Variants in CNBD1 observed in about 807,000 individuals in gnomAD.
CNBD1 encodes the protein cyclic nucleotide binding domain containing 1.
A neutral mutation model predicts 54.4 loss-of-function variants in CNBD1; 71 were observed. That is an observed-to-expected ratio of 1.30 (90% CI 1.08 to 1.59). The LOEUF (loss-of-function observed/expected upper bound fraction) is 1.59, where lower values mean the gene tolerates loss of function less well. CNBD1 is among the 40% of genes most tolerant of loss of function. CNBD1 has a pLI of 0.00. For missense variants in CNBD1, 659 were observed against 518.0 expected (o/e 1.27, Z -2.64); for synonymous variants, 182 against 170.7 (o/e 1.07, Z -0.51).
At chr8:87,180,243 T>G (rs781291283) in intron 4 of CNBD1, among the ~76,000 whole-genome samples, 2 of 152,240 alleles carry the variant, frequency 1.3e-5, no homozygotes, top group Admixed American at 6.5e-5. Flanking sequence ...ATTCATTATA[T>G]TTTAAGCATG....
At chr8:87,331,039 GT>G (rs1809816251) in intron 8 of CNBD1, among the ~76,000 whole-genome samples, 1 of 151,984 alleles carries the variant, frequency 6.6e-6, no homozygotes, top group Non-Finnish European at 1.5e-5. Flanking sequence ...ATATTTGTTA[GT>G]TTTCTTTTTT....
At position 86,936,535 on chromosome 8, in the gene CNBD1, AC is replaced by A. The variant is rs1458651633; in HGVS notation, c.273-3060del. Among the ~76,000 whole-genome samples the A allele has an allele frequency of 3.9e-5, 6 of 152,106 alleles. No individual in the cohort carries two copies. In the East Asian group the frequency reaches 1.2e-3, roughly 29 times the overall value. On this transcript the variant is annotated intron_variant, in intron 3 of 10. Transcript: ENST00000518476. ...GTGGGTGGATCACGAGGTCAGGAGA[AC>A]AAGACCATCCTGGCTAACACTGTGA...
intron 4 of CNBD1, among the ~76,000 whole-genome samples, chr8:87,019,814 G>A (rs1456002392): frequency 6.6e-6 from 1 of 152,088 alleles, no homozygotes; most frequent in African/African-American, 2.4e-5. Context: ...GGAGGCAGAG[G>A]TTGCAGTGAG....
intron 5 of CNBD1, among the ~76,000 whole-genome samples, chr8:87,216,504 T>G (rs1238818610): frequency 6.6e-6 from 1 of 152,200 alleles, no homozygotes; most frequent in Non-Finnish European, 1.5e-5. Flanking sequence ...AGAAAGAAAT[T>G]TATTTCTTAT....
intron 6 of CNBD1, among the ~76,000 whole-genome samples, chr8:87,275,957 C>A (rs1808471374): frequency 6.6e-6 from 1 of 151,932 alleles, no homozygotes; most frequent in Non-Finnish European, 1.5e-5. Flanking sequence ...CATGAGTGAA[C>A]TCCCATTCAC....
At chr8:87,375,842 T>C (rs1264472923) in intron 10 of CNBD1, among the ~76,000 whole-genome samples, 4 of 151,940 alleles carry the variant, frequency 2.6e-5, no homozygotes, top group Admixed American at 6.6e-5. Context: ...TTTCCTAATA[T>C]GCTTTTGGAA....
intron 8 of CNBD1, among the ~76,000 whole-genome samples, chr8:87,330,534 C>G (rs1334615958): frequency 6.6e-6 from 1 of 152,006 alleles, no homozygotes; most frequent in Non-Finnish European, 1.5e-5. Context: ...GAGATTTTAT[C>G]TTTGACCCAT....
intron 2 of CNBD1, among the ~76,000 whole-genome samples, chr8:87,418,747 C>T (rs991874887): frequency 6.6e-6 from 1 of 151,758 alleles, no homozygotes; most frequent in Admixed American, 6.6e-5. Context: ...AGTCATAAAA[C>T]ATTGTGATAC....
intron 4 of CNBD1, among the ~76,000 whole-genome samples, chr8:87,114,283 G>A (rs1464065576): frequency 6.6e-6 from 1 of 152,168 alleles, no homozygotes; most frequent in Non-Finnish European, 1.5e-5. Flanking sequence ...TTACATTAGA[G>A]TATACAATGA....
intron 4 of CNBD1, among the ~76,000 whole-genome samples, chr8:87,029,173 C>G (rs1015657641): frequency 3.3e-5 from 5 of 152,144 alleles, no homozygotes; most frequent in African/African-American, 9.7e-5. Context: ...GTTTCTACTC[C>G]AATTCCTCAA....
At chr8:87,132,459 T>G (rs1458557165) in intron 4 of CNBD1, among the ~76,000 whole-genome samples, 1 of 151,140 alleles carries the variant, frequency 6.6e-6, no homozygotes, top group African/African-American at 2.4e-5. Context: ...TTATGCCATT[T>G]TGGAAGTTCA....
intron 4 of CNBD1, among the ~76,000 whole-genome samples, chr8:86,989,300 AATAAATACATAC>A (rs1808683324): frequency 1.7e-5 from 1 of 58,988 alleles, no homozygotes; most frequent in African/African-American, 7.0e-5. Flanking sequence ...TCTCAAAACA[AATAAATACATAC>A]ATACATACAT....
At chr8:87,260,590 G>C (rs1369549931) in intron 6 of CNBD1, among the ~76,000 whole-genome samples, 1 of 152,094 alleles carries the variant, frequency 6.6e-6, no homozygotes, top group Non-Finnish European at 1.5e-5. Flanking sequence ...CACAGGGAGA[G>C]AAAAGCCAGA....
At chr8:87,230,969 A>C (rs1488553754) in intron 5 of CNBD1, among the ~76,000 whole-genome samples, 1 of 152,208 alleles carries the variant, frequency 6.6e-6, no homozygotes, top group African/African-American at 2.4e-5. Flanking sequence ...TAAGTATTTA[A>C]AAAGAGACTT....
intron 1 of CNBD1, among the ~76,000 whole-genome samples, chr8:86,886,440 TATATG>T (rs1267675388): frequency 1.3e-5 from 2 of 152,200 alleles, no homozygotes; most frequent in Admixed American, 1.3e-4. Flanking sequence ...TGATATGATT[TATATG>T]ATATGATATG....
At chr8:86,954,977 T>TA (rs1807723850) in intron 4 of CNBD1, among the ~76,000 whole-genome samples, 1 of 106,200 alleles carries the variant, frequency 9.4e-6, no homozygotes, top group African/African-American at 3.6e-5. Context: ...ATGCAATCCC[T>TA]CCCCCCTCCC....
intron 5 of CNBD1, among the ~76,000 whole-genome samples, chr8:87,230,590 T>TGA (rs1814663398): frequency 6.6e-6 from 1 of 152,204 alleles, no homozygotes; most frequent in Admixed American, 6.5e-5. Flanking sequence ...TTTATCATTC[T>TGA]GAGCCTTGGT....
At chr8:87,172,096 A>G (rs1441131268) in intron 4 of CNBD1, among the ~76,000 whole-genome samples, 1 of 152,078 alleles carries the variant, frequency 6.6e-6, no homozygotes, top group African/African-American at 2.4e-5. Context: ...ATGGACATTC[A>G]GGAGCATATT....
intron 4 of CNBD1, among the ~76,000 whole-genome samples, chr8:87,070,770 C>A (rs1394601019): frequency 6.6e-6 from 1 of 151,964 alleles, no homozygotes; most frequent in East Asian, 1.9e-4. Context: ...CATTTATTAA[C>A]CCAAGCAGTA....
Sources: gnomAD v4.1 joint callset for allele counts (sites outside exome capture counted in the v4.1 genomes callset) on GRCh38, gnomAD v4.1.1 for gene constraint, MANE v1.5 for transcripts, NCBI Gene and HGNC (gene_info 2026-07-23, HGNC 2026-07-21) for gene names.